SLC47A2: variants seen among roughly 807,000 people sequenced by gnomAD.
The protein encoded by SLC47A2 is multidrug and toxin extrusion protein 2.
In SLC47A2, 52 loss-of-function variants were observed where a neutral mutation model predicts 67.7. That is an observed-to-expected ratio of 0.77 (90% confidence interval 0.61 to 0.97). SLC47A2 has a LOEUF of 0.97. SLC47A2 is among the 50% of genes least tolerant of loss of function. SLC47A2 has a pLI of 0.00. For missense variants in SLC47A2, 676 were observed against 712.3 expected, an observed-to-expected ratio of 0.95 and a Z score of 0.58; for synonymous variants, 278 against 292.9, an observed-to-expected ratio of 0.95 and a Z score of 0.52.
At chr17:19,703,339 T>C (rs2085839100) in intron 11 of SLC47A2, among the ~76,000 whole-genome samples, 172 bp from the exon 12 acceptor site, 1 of 152,264 alleles carries the variant, frequency 6.6e-6, no homozygotes, top group African/African-American at 2.4e-5. Context: ...TCATTTGGGC[T>C]AGACAGTCTT....
chr17:19,678,366 C>A lies in SLC47A2; in HGVS notation c.*320G>T. On this transcript the variant is annotated 3_prime_UTR_variant, in exon 17 of 17. Transcript: ENST00000433844. ...ATAACAGTGGTTTTTGTGATTTTAT[C>A]TGCAGTGTCCCATTTGAAGCCATTT... 1 of 304,342 alleles carries A rather than the reference C, an allele frequency of 3.3e-6. No homozygotes were observed. 18.9% of individuals were successfully genotyped at this position (304,342 alleles called of 1,614,324 possible).
intron 9 of SLC47A2, 83 bp downstream of exon 9, chr17:19,706,565 G>T: frequency 2.5e-6 from 3 of 1,180,934 alleles, no homozygotes; most frequent in African/African-American, 1.6e-5. Flanking sequence ...TCTGGGATGG[G>T]TGAGCCGCCA....
At chr17:19,711,318 G>T (rs539918294) in intron 5 of SLC47A2, among the ~76,000 whole-genome samples, 1 of 151,604 alleles carries the variant, frequency 6.6e-6, no homozygotes, top group Non-Finnish European at 1.5e-5. Flanking sequence ...CAGGCCAGGC[G>T]TGGTGGCTCA....
At chr17:19,708,455 G>A in intron 6 of SLC47A2, 56 bp from the exon 7 acceptor site, 1 of 1,614,156 alleles carries the variant, frequency 6.2e-7, no homozygotes, top group Non-Finnish European at 8.5e-7. Context: ...ATGGAGGATG[G>A]ACAAACCCGG....
At chr17:19,717,722 A>C (rs1342833370), upstream of SLC47A2, 1 of 152,182 alleles carries the variant, frequency 6.6e-6, no homozygotes, top group Non-Finnish European at 1.5e-5. Context: ...CAAAAAAAAA[A>C]AAAGGGTTTG....
At chr17:19,705,101 C>A in intron 10 of SLC47A2, 2 of 386,616 alleles carry the variant, frequency 5.2e-6, no homozygotes, top group African/African-American at 4.2e-5. Context: ...GGATTACACA[C>A]GTGAGCCACT....
At chr17:19,684,742 T>G (rs1220260093) in intron 13 of SLC47A2, among the ~76,000 whole-genome samples, 1 of 150,374 alleles carries the variant, frequency 6.7e-6, no homozygotes, top group African/African-American at 2.4e-5. Context: ...AGATAAAAGA[T>G]TAGTGTGAAA....
At chr17:19,681,792 G>C in intron 13 of SLC47A2, 122 bp from the exon 14 acceptor site, 2 of 1,249,292 alleles carry the variant, frequency 1.6e-6, no homozygotes, top group East Asian at 2.5e-5. Context: ...CACAGCACTG[G>C]ATGGGTGCCC....
chr17:19,705,305 T>C (rs2085900244), intron 10 of SLC47A2, 131 bp downstream of exon 10: 7 of 906,926 alleles, frequency 7.7e-6, no homozygotes, highest in Non-Finnish European at 1.2e-5. Context: ...CTGGACCTGG[T>C]GGGCACGAGA....
intron 13 of SLC47A2, among the ~76,000 whole-genome samples, chr17:19,698,311 T>C (rs1387467147): frequency 6.6e-6 from 1 of 152,188 alleles, no homozygotes; most frequent in East Asian, 1.9e-4. Flanking sequence ...TTCAGACACT[T>C]TCATACATGT....
upstream of SLC47A2, chr17:19,716,913 C>G (rs1009570038): frequency 4.7e-6 from 1 of 210,570 alleles, no homozygotes; most frequent in Non-Finnish European, 9.4e-6. Flanking sequence ...ACAGGGCAGC[C>G]TGGCTGGGGC....
At chr17:19,691,665 A>C (rs2085543682) in intron 13 of SLC47A2, among the ~76,000 whole-genome samples, 1 of 152,208 alleles carries the variant, frequency 6.6e-6, no homozygotes, top group African/African-American at 2.4e-5. Context: ...AGATAGAATG[A>C]ATAAGATCTA....
intron 11 of SLC47A2, 148 bp from the exon 12 acceptor site, chr17:19,703,315 C>A: frequency 1.5e-6 from 1 of 679,852 alleles, no homozygotes. Context: ...TCATGTCCCC[C>A]GCATCTGAGG....
intron 13 of SLC47A2, among the ~76,000 whole-genome samples, chr17:19,690,892 G>A (rs529126070): frequency 7.2e-5 from 11 of 152,160 alleles, no homozygotes; most frequent in African/African-American, 2.7e-4. Flanking sequence ...GGTCGAGGTG[G>A]GCGGATCACC....
chr17:19,706,775 C>A lies in SLC47A2; in HGVS notation c.728-14G>T, dbSNP rs370922586. The A allele has an allele frequency of 1.9e-6, 3 of 1,593,582 alleles. No individual in the cohort carries two copies. The highest frequency in any genetic ancestry group is 2.7e-5 in the African/African-American group (2 of 73,850). ...GGCTGGACCAACCTGGAAACAGAGG[C>A]CCCATGAGCTGACAGCCTGCCCTGC... On this transcript the variant is annotated splice_polypyrimidine_tract_variant and intron_variant, in intron 8 of 16. Transcript: ENST00000433844.
In SLC47A2 at chr17:19,678,555, G is replaced by T. The variant is rs1216563375; in HGVS notation, c.*131C>A. 3 of 898,040 alleles carry T rather than the reference G, an allele frequency of 3.3e-6. No homozygotes were observed. In the African/African-American group the frequency reaches 5.0e-5, roughly 15 times the overall value. The allele number at this position is 898,040 out of a possible 1,614,324, so 55.6% of individuals were successfully genotyped here. ...GTGTCACCACAAGGAATCAGCCAAA[G>T]TTCTTTTTTTGAGGAGTGGTTCAAA... is the stretch of plus-strand genomic sequence containing the variant. On this transcript the variant is annotated 3_prime_UTR_variant, in exon 17 of 17. Coordinates refer to ENST00000433844, the MANE Select transcript of SLC47A2 (RefSeq NM_001099646.3).
At chr17:19,717,050 C>T (rs756467639), upstream of SLC47A2, 22 of 155,352 alleles carry the variant, frequency 1.4e-4, no homozygotes, top group Non-Finnish European at 2.6e-4. Context: ...CAGCCCTCAG[C>T]CCTGCTTTTC....
At chr17:19,694,539 A>G (rs966054788) in intron 13 of SLC47A2, among the ~76,000 whole-genome samples, 1 of 152,220 alleles carries the variant, frequency 6.6e-6, no homozygotes, top group African/African-American at 2.4e-5. Flanking sequence ...TCATGTGCTA[A>G]CAAATGGTGC....
At chr17:19,695,994 G>A (rs2085654586) in intron 13 of SLC47A2, among the ~76,000 whole-genome samples, 2 of 151,690 alleles carry the variant, frequency 1.3e-5, no homozygotes, top group South Asian at 4.2e-4. Context: ...TAAGTGCTGC[G>A]ATTACAGGTG....
Sources: allele counts gnomAD v4.1 joint callset (sites outside exome capture counted in the v4.1 genomes callset), GRCh38; gene constraint gnomAD v4.1.1; transcripts MANE v1.5; gene names NCBI Gene and HGNC (gene_info 2026-07-23, HGNC 2026-07-21).